Variants in SRPRB observed in about 807,000 individuals in gnomAD.
SRPRB encodes SRP receptor subunit beta, also known as signal recognition particle receptor subunit beta.
In SRPRB, 20 loss-of-function variants were observed where a neutral mutation model predicts 31.9. The observed-to-expected ratio is 0.63, with a 90% confidence interval of 0.44 to 0.91. The LOEUF is 0.91. SRPRB is among the 40% of genes least tolerant of loss of function. SRPRB has a pLI of 0.00. For missense variants in SRPRB, 321 were observed against 324.9 expected, an observed-to-expected ratio of 0.99 and a Z score of 0.09; for synonymous variants, 146 against 132.8, an observed-to-expected ratio of 1.10 and a Z score of -0.68.
intron 3 of SRPRB, 35 bp downstream of exon 3, chr3:133,807,858 CTTACT>C (rs755409727): frequency 2.6e-6 from 4 of 1,521,458 alleles, no homozygotes; most frequent in Non-Finnish European, 2.7e-6. Flanking sequence ...GTCTGACAGT[CTTACT>C]TTACTGTGGT....
At chr3:133,793,683 T>C (rs952683873) in intron 1 of SRPRB, 1 of 152,186 alleles carries the variant, frequency 6.6e-6, no homozygotes, top group African/African-American at 2.4e-5. Context: ...TTTTTAACTA[T>C]AACTATTTAA....
intron 4 of SRPRB, among the ~76,000 whole-genome samples, chr3:133,812,997 C>CT (rs1332326574): frequency 6.6e-6 from 1 of 152,090 alleles, no homozygotes; most frequent in African/African-American, 2.4e-5. Context: ...TGTTTTCAGT[C>CT]TTTGTTCATT....
chr3:133,807,691 C>A, intron 2 of SRPRB, 55 bp from the exon 3 acceptor site: 1 of 1,170,142 alleles, frequency 8.5e-7, no homozygotes. Context: ...TAATATAACT[C>A]AATTTAGGTG....
chr3:133,815,633 G>A lies in SRPRB; in HGVS notation c.454G>A (p.Val152Met). 9.3e-6 allele frequency: 15 copies of A among 1,613,960 alleles called. No individual in the cohort carries two copies. Among genetic ancestry groups the A allele is most frequent in the Non-Finnish European group, 1.3e-5 (15 of 1,179,998 alleles). Residue 152 changes from valine (V) to methionine (M), a missense_variant, in exon 5 of 7, where the codon GTG becomes ATG. Transcript: ENST00000678299. The part of the protein sequence containing the change: ...VVDSAAFQRE[V>M]KDVAEFLYQV... ...GGATAGTGCAGCATTCCAGCGAGAG[G>A]TGAAAGATGTGGCTGAGTTTCTGTA...
At chr3:133,803,038 G>A (rs568611584), upstream of SRPRB, among the ~76,000 whole-genome samples, 7 of 152,120 alleles carry the variant, frequency 4.6e-5, no homozygotes, top group East Asian at 1.4e-3. Flanking sequence ...CACATCCTAC[G>A]TATTTTAACT....
rs1935453746 is a variant in SRPRB, at chr3:133,820,578, G to C, written c.*812G>C. 1 of 152,090 alleles carries C rather than the reference G, an allele frequency of 6.6e-6. No individual in the cohort carries two copies. 9.4% of individuals were successfully genotyped at this position (152,090 alleles called of 1,614,324 possible). On this transcript the variant is annotated 3_prime_UTR_variant, in exon 7 of 7. Transcript: ENST00000678299. ...TGAAGAGCTCCTATTTTGTACTCCT[G>C]GCTAGAATGCTGTGGAACAAATACA... is the stretch of plus-strand genomic sequence containing the variant.
intron 4 of SRPRB, among the ~76,000 whole-genome samples, chr3:133,811,496 G>A (rs1049967540): frequency 1.3e-5 from 2 of 152,112 alleles, no homozygotes; most frequent in South Asian, 2.1e-4. Context: ...TAATGTATAT[G>A]ACTATTAAAA....
intron 3 of SRPRB, among the ~76,000 whole-genome samples, chr3:133,809,481 T>TA (rs1451992073): frequency 1.3e-5 from 2 of 152,076 alleles, no homozygotes; most frequent in Non-Finnish European, 2.9e-5. Flanking sequence ...ATCTTAGCGA[T>TA]ATCTTTGTTT....
chr3:133,806,039 G>A, intron 1 of SRPRB, 37 bp downstream of exon 1: 1 of 1,601,738 alleles, frequency 6.2e-7, no homozygotes, highest in Non-Finnish European at 8.5e-7. Flanking sequence ...GGTTTGGGGC[G>A]GGCAGAGGTC....
chr3:133,828,390 AAGG>A, downstream of SRPRB: 1 of 355,524 alleles, frequency 2.8e-6, no homozygotes. Flanking sequence ...AGAGAACAGG[AAGG>A]AGGAGGTGTG....
At chr3:133,816,825 G>T in intron 5 of SRPRB, 53 bp from the exon 6 acceptor site, 1 of 1,444,588 alleles carries the variant, frequency 6.9e-7, no homozygotes. Context: ...AGAAGTCTTG[G>T]GGAAAAAACT....
Position 133,819,838 on chromosome 3 carries a change from G to A in SRPRB, c.*72G>A. On this transcript the variant is annotated 3_prime_UTR_variant, in exon 7 of 7. Transcript: ENST00000678299. ...GGAAAAAGGTCTGTGGTAGTCTGGAGTTGATGAGGAAGGGGTACAAGATGT... is the reference window on the plus strand; with the variant it reads ...GGAAAAAGGTCTGTGGTAGTCTGGAATTGATGAGGAAGGGGTACAAGATGT... 7.3e-7 allele frequency: 1 copy of A among 1,378,482 alleles called. No individual in the cohort carries two copies. Among genetic ancestry groups the A allele is most frequent in the Non-Finnish European group, 1.0e-6 (1 of 988,496 alleles). 85.4% of individuals were successfully genotyped at this position (1,378,482 alleles called of 1,614,324 possible).
downstream of SRPRB, chr3:133,825,040 C>G (rs149306628): frequency 1.1e-4 from 17 of 152,312 alleles, no homozygotes; most frequent in African/African-American, 3.8e-4. Flanking sequence ...GCCTCACATT[C>G]TTTGGGGAGA....
At chr3:133,813,008 T>A (rs1233429111) in intron 4 of SRPRB, among the ~76,000 whole-genome samples, 1 of 152,228 alleles carries the variant, frequency 6.6e-6, no homozygotes, top group African/African-American at 2.4e-5. Flanking sequence ...TTTGTTCATT[T>A]GTAACTCTAT....
downstream of SRPRB, chr3:133,827,651 A>G: frequency 1.8e-6 from 1 of 542,416 alleles, no homozygotes; most frequent in East Asian, 3.2e-5. Context: ...GTGAAAACAT[A>G]GCAACAAATC....
upstream of SRPRB, among the ~76,000 whole-genome samples, chr3:133,802,618 CT>C (rs990249397): frequency 7.9e-5 from 12 of 152,162 alleles, no homozygotes; most frequent in African/African-American, 2.9e-4. Context: ...CTACTGACCA[CT>C]TATAGGACAT....
intron 6 of SRPRB, among the ~76,000 whole-genome samples, chr3:133,817,859 C>T (rs1935393687): frequency 6.6e-6 from 1 of 152,164 alleles, no homozygotes; most frequent in South Asian, 2.1e-4. Flanking sequence ...AGCTTAGAGT[C>T]TGGTAGAATC....
At chr3:133,801,316 C>T (rs141003129), upstream of SRPRB, among the ~76,000 whole-genome samples, 260 of 152,326 alleles carry the variant, frequency 1.7e-3, no homozygotes, top group Middle Eastern at 6.8e-3. Context: ...CAGTCAGTAT[C>T]GCATGTCCTT....
downstream of SRPRB, chr3:133,824,558 CAG>C (rs1442449086): frequency 3.3e-5 from 5 of 152,194 alleles, no homozygotes; most frequent in Admixed American, 3.3e-4. Flanking sequence ...GCCAACCAGA[CAG>C]GGGTCTGGAG....
Sources: allele counts gnomAD v4.1 joint callset (sites outside exome capture counted in the v4.1 genomes callset), GRCh38; gene constraint gnomAD v4.1.1; transcripts MANE v1.5; gene names NCBI Gene and HGNC (gene_info 2026-07-23, HGNC 2026-07-21).